The following TMEM164 variants were observed in gnomAD, a reference collection of about 807,000 sequenced individuals.
The protein encoded by TMEM164 is RP13-360B22.2.
A neutral mutation model predicts 18.8 loss-of-function variants in TMEM164; 4 were observed. The ratio of observed to expected loss-of-function variants is 0.21; its 90% CI spans 0.10 to 0.49. The LOEUF (loss-of-function observed/expected upper bound fraction) is 0.49, where lower values mean the gene tolerates loss of function less well. TMEM164 is among the 20% of genes least tolerant of loss of function. The probability of loss-of-function intolerance (pLI) is 0.98; values close to 1 mark genes in which losing one functional copy is unlikely to be tolerated. For missense variants in TMEM164, 108 were observed against 239.9 expected (o/e 0.45, Z 3.63); for synonymous variants, 86 against 101.7 (o/e 0.85, Z 0.93).
intron 4 of TMEM164, among the ~76,000 whole-genome samples, chrX:110,113,208 T>C (rs1220970677): frequency 1.8e-5 from 2 of 112,755 alleles, no homozygotes; most frequent in Non-Finnish European, 1.9e-5. Context: ...TTTGTTGGGC[T>C]GTCTCTTAAC....
rs142827457 is a variant in TMEM164 at position 110,112,702 on chromosome X, G to A, written c.507+3556G>A. Among the ~76,000 whole-genome samples the A allele has an allele frequency of 5.9e-4, 66 of 111,680 alleles. 2 individuals carry two copies. Among genetic ancestry groups the A allele is most frequent in the African/African-American group, 1.9e-3 (60 of 30,776 alleles). On this transcript the variant is annotated intron_variant, in intron 4 of 6. Coordinates refer to ENST00000372068, the MANE Select transcript of TMEM164 (RefSeq NM_032227.4). ...GCCAGCAAGGTTAGTTTCTTCTGAG[G>A]CCTCTCTTTGGTTTGCAGATGGCCA...
At chrX:110,172,142 C>T (rs1488209884) in intron 6 of TMEM164, among the ~76,000 whole-genome samples, 1 of 111,864 alleles carries the variant, frequency 8.9e-6, no homozygotes, top group African/African-American at 3.3e-5. Context: ...GACCCAAGTT[C>T]AAGTCCTGGC....
At chrX:110,044,433 T>TTTG (rs770506995) in intron 2 of TMEM164, among the ~76,000 whole-genome samples, 1 of 109,210 alleles carries the variant, frequency 9.2e-6, no homozygotes, top group Non-Finnish European at 1.9e-5. Flanking sequence ...AGGTTTTTTT[T>TTTG]TTGTTGTTGT....
intron 2 of TMEM164, among the ~76,000 whole-genome samples, chrX:110,044,549 C>T (rs2147790635): frequency 9.4e-6 from 1 of 106,387 alleles, no homozygotes; most frequent in East Asian, 2.9e-4. Flanking sequence ...AAGCAATCCT[C>T]CCACCACAGC....
intron 3 of TMEM164, among the ~76,000 whole-genome samples, chrX:110,104,112 C>T: frequency 8.9e-6 from 1 of 111,844 alleles, no homozygotes; most frequent in Non-Finnish European, 1.9e-5. Flanking sequence ...TATACACAAT[C>T]TATTACAAAA....
chrX:110,140,042 G>T (rs969999289), intron 4 of TMEM164, among the ~76,000 whole-genome samples: 3 of 111,400 alleles, frequency 2.7e-5, no homozygotes, highest in Non-Finnish European at 5.7e-5. Context: ...GCATTGAGAG[G>T]CCAGGGTGTT....
chrX:110,051,121 G>A (rs1483617585), intron 2 of TMEM164, among the ~76,000 whole-genome samples: 3 of 111,775 alleles, frequency 2.7e-5, no homozygotes. Context: ...TCCTTTGAGG[G>A]GAATATACAG....
At chrX:110,016,632 C>G (rs972522346) in intron 2 of TMEM164, among the ~76,000 whole-genome samples, 6 of 110,672 alleles carry the variant, frequency 5.4e-5, no homozygotes, top group Non-Finnish European at 1.1e-4. Flanking sequence ...TTGCAGCCTT[C>G]CAGAAAGGTT....
At chrX:110,066,901 T>C (rs1936364433) in intron 2 of TMEM164, among the ~76,000 whole-genome samples, 1 of 111,847 alleles carries the variant, frequency 8.9e-6, no homozygotes, top group Non-Finnish European at 1.9e-5. Context: ...AACTATTCAT[T>C]GTTTATCTGC....
intron 5 of TMEM164, among the ~76,000 whole-genome samples, chrX:110,148,105 T>C (rs1202879412): frequency 1.8e-5 from 2 of 110,730 alleles, no homozygotes; most frequent in East Asian, 2.8e-4. Context: ...TCTATTATAA[T>C]TGTGCTCTCA....
intron 5 of TMEM164, among the ~76,000 whole-genome samples, chrX:110,151,050 A>G (rs1247203049): frequency 8.9e-6 from 1 of 112,444 alleles, no homozygotes; most frequent in South Asian, 3.6e-4. Flanking sequence ...ATTTGAAGCC[A>G]GTAGTATGGT....
At chrX:110,113,027 C>T (rs1253929811) in intron 4 of TMEM164, among the ~76,000 whole-genome samples, 1 of 110,505 alleles carries the variant, frequency 9.0e-6, no homozygotes, top group East Asian at 2.8e-4. Context: ...TGCTTTCCTT[C>T]CTCCCTCCCT....
chrX:110,146,842 G>A (rs779919027), intron 5 of TMEM164, among the ~76,000 whole-genome samples: 2 of 112,599 alleles, frequency 1.8e-5, no homozygotes, highest in South Asian at 7.3e-4. Flanking sequence ...TGCAGAGGGA[G>A]AATGGATCTG....
At chrX:110,065,888 G>A (rs774611383) in intron 2 of TMEM164, among the ~76,000 whole-genome samples, 1 of 112,390 alleles carries the variant, frequency 8.9e-6, no homozygotes, top group Non-Finnish European at 1.9e-5. Flanking sequence ...GTATTTTGCT[G>A]TAACATTAGC....
chrX:110,088,708 G>A (rs1041960841), intron 3 of TMEM164, among the ~76,000 whole-genome samples: 6 of 111,910 alleles, frequency 5.4e-5, no homozygotes, highest in African/African-American at 9.7e-5. Context: ...GTTCCCATTC[G>A]ACATAAAATA....
chrX:110,088,179 T>A (rs2065880324), intron 3 of TMEM164, among the ~76,000 whole-genome samples: 1 of 112,235 alleles, frequency 8.9e-6, no homozygotes, highest in Non-Finnish European at 1.9e-5. Context: ...CTAGGACTGC[T>A]CTGAGGTCAT....
At chrX:110,035,613 T>C (rs761654432) in intron 2 of TMEM164, among the ~76,000 whole-genome samples, 2 of 110,077 alleles carry the variant, frequency 1.8e-5, no homozygotes, top group African/African-American at 6.6e-5. Flanking sequence ...AAGCAATTCT[T>C]GTGCCTCAGC....
At chrX:110,015,998 G>A (rs1367713156) in intron 2 of TMEM164, among the ~76,000 whole-genome samples, 2 of 112,567 alleles carry the variant, frequency 1.8e-5, no homozygotes, top group African/African-American at 6.5e-5. Flanking sequence ...ATCGGAGTCA[G>A]GGGTGGCCTT....
chrX:110,034,557 T>A (rs1463493042), intron 2 of TMEM164, among the ~76,000 whole-genome samples: 1 of 112,169 alleles, frequency 8.9e-6, no homozygotes, highest in Non-Finnish European at 1.9e-5. Flanking sequence ...CTACTAAAAC[T>A]ATATACAAAT....
Sources: gnomAD v4.1 joint callset for allele counts (sites outside exome capture counted in the v4.1 genomes callset) on GRCh38, gnomAD v4.1.1 for gene constraint, MANE v1.5 for transcripts, NCBI Gene and HGNC (gene_info 2026-07-23, HGNC 2026-07-21) for gene names.